Variants in PDK3 observed in about 807,000 individuals in gnomAD.
PDK3 encodes pyruvate dehydrogenase kinase, isozyme 3.
PDK3 carries 12 observed loss-of-function variants against 32.0 expected under a neutral mutation model. That is an observed-to-expected ratio of 0.37 (90% CI 0.24 to 0.61). PDK3 has a LOEUF of 0.61. Among genes scored for constraint, PDK3 ranks in the 20% least tolerant of loss-of-function variants. PDK3 has a pLI of 0.65. For missense variants in PDK3, 188 were observed against 316.9 expected (o/e 0.59, Z 3.09); for synonymous variants, 122 against 116.3 (o/e 1.05, Z -0.31).
chrX:24,492,212 T>C (rs1268611038), intron 1 of PDK3, among the ~76,000 whole-genome samples: 1 of 112,122 alleles, frequency 8.9e-6, no homozygotes, highest in Non-Finnish European at 1.9e-5. Flanking sequence ...CAGAACCTTT[T>C]AGGAATAATA....
intron 6 of PDK3, among the ~76,000 whole-genome samples, chrX:24,523,325 GGAAT>G (rs1922442881): frequency 2.7e-5 from 3 of 112,555 alleles, no homozygotes; most frequent in Non-Finnish European, 5.6e-5. Context: ...TTTCAACATA[GGAAT>G]TTGGGGGAGA....
chrX:24,489,797 C>T (rs894989682), intron 1 of PDK3, among the ~76,000 whole-genome samples: 4 of 110,926 alleles, frequency 3.6e-5, no homozygotes, highest in African/African-American at 1.3e-4. Context: ...CTACCATAGG[C>T]GAGGCACTAT....
At chrX:24,509,495 C>T (rs952558217) in intron 5 of PDK3, among the ~76,000 whole-genome samples, 21 of 110,749 alleles carry the variant, frequency 1.9e-4, no homozygotes, top group Non-Finnish European at 3.0e-4. Flanking sequence ...CCCCAACACA[C>T]ACATACACAT....
At chrX:24,516,793 A>T (rs1218762772) in intron 5 of PDK3, among the ~76,000 whole-genome samples, 1 of 108,586 alleles carries the variant, frequency 9.2e-6, no homozygotes, top group African/African-American at 3.4e-5. Context: ...ACTGAGTTGT[A>T]TGTACTTTTT....
At chrX:24,507,958 ATGGGC>A (rs1922024026) in intron 5 of PDK3, among the ~76,000 whole-genome samples, 2 of 111,764 alleles carry the variant, frequency 1.8e-5, no homozygotes, top group Non-Finnish European at 3.8e-5. Flanking sequence ...TGATGGGCAC[ATGGGC>A]TCATTATACT....
intron 5 of PDK3, among the ~76,000 whole-genome samples, chrX:24,509,077 T>C (rs1384536712): frequency 8.9e-6 from 1 of 112,003 alleles, no homozygotes; most frequent in Non-Finnish European, 1.9e-5. Context: ...TCTTATACGC[T>C]TTTGCATCAC....
chrX:24,502,923 A>G (rs966667273), intron 3 of PDK3, among the ~76,000 whole-genome samples: 7 of 112,293 alleles, frequency 6.2e-5, no homozygotes, highest in African/African-American at 2.3e-4. Flanking sequence ...AGATTGCTTT[A>G]ATCAGTCCTT....
chrX:24,489,062 G>A (rs898450509), intron 1 of PDK3, among the ~76,000 whole-genome samples: 2 of 111,705 alleles, frequency 1.8e-5, no homozygotes, highest in East Asian at 2.8e-4. Context: ...ACCCTCTGGC[G>A]AGGACATTCA....
rs181736550 is a variant in PDK3 at position 24,474,437 on chromosome X, G to A, written c.106+8876G>A. On this transcript the variant is annotated intron_variant, in intron 1 of 10. Transcript: ENST00000379162. ...TTTATTTATTTATTTATTTTGAGAC[G>A]GAGTCTCACTCTGTCGCCCAGGCTA... Among the ~76,000 whole-genome samples, 9 of 97,219 alleles carry A rather than the reference G, an allele frequency of 9.3e-5. No homozygotes were observed. The South Asian group carries it at 2.0e-3, about 22-fold the overall frequency. The allele number at this position is 97,219 out of a possible 115,157, so 84.4% of individuals were successfully genotyped here.
chrX:24,514,041 C>G (rs1043217009), intron 5 of PDK3, among the ~76,000 whole-genome samples: 8 of 111,666 alleles, frequency 7.2e-5, no homozygotes, highest in Admixed American at 1.9e-4. Context: ...AGTCCAGCCT[C>G]TCATATTTTT....
In PDK3 at chrX:24,531,241, G is replaced by A. The variant is rs187275999; in HGVS notation, c.964-416G>A. ...CCACCTCGCCCAGCTAATTTTTGTAGTAGAGATGGGGTTTCGCCATGTTGG... is the reference window on the plus strand; with the variant it reads ...CCACCTCGCCCAGCTAATTTTTGTAATAGAGATGGGGTTTCGCCATGTTGG... On this transcript the variant is annotated intron_variant, in intron 9 of 10. Transcript: ENST00000379162. 1.8e-3 allele frequency among the ~76,000 whole-genome samples: 204 copies of A among 111,227 alleles called. 1 individual carries two copies. The highest frequency in any genetic ancestry group is 5.9e-3 in the African/African-American group (181 of 30,620).
intron 3 of PDK3, among the ~76,000 whole-genome samples, chrX:24,500,596 C>T (rs182850944): frequency 8.6e-4 from 96 of 112,263 alleles, no homozygotes; most frequent in African/African-American, 2.5e-3. Context: ...GCTCTCACTC[C>T]GTGAGTTTTG....
At chrX:24,527,985 C>T in intron 8 of PDK3, 91 bp from the exon 9 acceptor site, 1 of 517,685 alleles carries the variant, frequency 1.9e-6, no homozygotes. Context: ...GTGGAGTAAT[C>T]TGCTATGTAC....
intron 9 of PDK3, among the ~76,000 whole-genome samples, chrX:24,530,117 G>A (rs1315801188): frequency 1.8e-5 from 2 of 111,790 alleles, no homozygotes; most frequent in Non-Finnish European, 3.8e-5. Flanking sequence ...AACATAGAAG[G>A]CAGATTTGCT....
At chrX:24,543,664 G>C (rs1217803548) in exon 12 of PDK3, among the ~76,000 whole-genome samples, 2 of 110,778 alleles carry the variant, frequency 1.8e-5, no homozygotes, top group Non-Finnish European at 3.8e-5. Context: ...GCCCAGGCTG[G>C]TCTCAAACTC....
intron 1 of PDK3, among the ~76,000 whole-genome samples, chrX:24,468,678 G>A (rs1287796919): frequency 4.5e-5 from 5 of 112,098 alleles, no homozygotes; most frequent in Non-Finnish European, 7.5e-5. Context: ...TCATCTATGT[G>A]CAGTATTTTT....
chrX:24,532,839 C>T (rs1443723846), intron 10 of PDK3, among the ~76,000 whole-genome samples: 3 of 111,180 alleles, frequency 2.7e-5, no homozygotes, highest in African/African-American at 6.5e-5. Flanking sequence ...TTATGTAGAA[C>T]TGGCTCATTC....
At chrX:24,502,627 C>T (rs970315865) in intron 3 of PDK3, among the ~76,000 whole-genome samples, 6 of 111,585 alleles carry the variant, frequency 5.4e-5, no homozygotes, top group Non-Finnish European at 9.4e-5. Context: ...GGGCGGATCA[C>T]GAGGTCAGGA....
intron 3 of PDK3, among the ~76,000 whole-genome samples, chrX:24,499,329 A>G (rs1921794418): frequency 9.0e-6 from 1 of 111,711 alleles, no homozygotes; most frequent in South Asian, 3.7e-4. Flanking sequence ...TTGGAGAGGC[A>G]TAAAAGTATG....
Sources: gnomAD v4.1 joint callset for allele counts (sites outside exome capture counted in the v4.1 genomes callset) on GRCh38, gnomAD v4.1.1 for gene constraint, MANE v1.5 for transcripts, NCBI Gene and HGNC (gene_info 2026-07-23, HGNC 2026-07-21) for gene names.